Variants in GSG1L observed in about 807,000 individuals in gnomAD.
GSG1L encodes the protein germ cell-specific gene 1-like protein.
A neutral mutation model predicts 42.1 loss-of-function variants in GSG1L; 24 were observed. That is an observed-to-expected ratio of 0.57 (90% CI 0.41 to 0.80). The LOEUF is 0.80. GSG1L is among the 30% of genes least tolerant of loss of function. The probability of loss-of-function intolerance (pLI) is 0.00; values close to 1 mark genes in which losing one functional copy is unlikely to be tolerated. For synonymous variants in GSG1L, 215 were observed against 203.5 expected (o/e 1.06, Z -0.48); for missense variants, 445 against 472.2 (o/e 0.94, Z 0.53).
rs141642419 is a variant in GSG1L at position 27,961,028 on chromosome 16, G to GAC, written c.397+2126_397+2127dup. 1.7e-3 allele frequency among the ~76,000 whole-genome samples: 255 copies of GAC among 151,368 alleles called. 1 individual carries two copies. The highest frequency in any genetic ancestry group is 3.4e-3 in the Middle Eastern group (1 of 290). ...GGCCACCCACCTGCCACTGTACACA[G>GAC]ACACACACACACACACGTACTCAAA... is the stretch of plus-strand genomic sequence containing the variant. On this transcript the variant is annotated intron_variant, in intron 2 of 6. Coordinates refer to ENST00000447459, the MANE Select transcript of GSG1L (RefSeq NM_001109763.2).
At chr16:27,832,816 T>C (rs1405704631) in intron 4 of GSG1L, among the ~76,000 whole-genome samples, 2 of 152,248 alleles carry the variant, frequency 1.3e-5, no homozygotes, top group Admixed American at 1.3e-4. Flanking sequence ...GATTGTTTTG[T>C]TGTTGTTTAC....
At chr16:27,868,125 G>A (rs2083755665) in intron 3 of GSG1L, among the ~76,000 whole-genome samples, 1 of 152,236 alleles carries the variant, frequency 6.6e-6, no homozygotes, top group Non-Finnish European at 1.5e-5. Context: ...TTGTATGAAA[G>A]GCCTGATGGC....
chr16:28,042,270 T>C (rs995421217), intron 1 of GSG1L, among the ~76,000 whole-genome samples: 6 of 152,042 alleles, frequency 3.9e-5, no homozygotes, highest in African/African-American at 1.2e-4. Context: ...ACCCTGTCTC[T>C]ACTAAAAGTA....
intron 3 of GSG1L, among the ~76,000 whole-genome samples, chr16:27,857,684 G>A (rs890951376): frequency 1.3e-5 from 2 of 152,110 alleles, no homozygotes; most frequent in Admixed American, 6.6e-5. Context: ...GGGAGACACT[G>A]GGCGGACTCC....
At chr16:27,869,845 CTCCATCTCTCTCTG>C (rs1308185092) in intron 3 of GSG1L, among the ~76,000 whole-genome samples, 132 of 144,786 alleles carry the variant, frequency 9.1e-4, no homozygotes, top group Non-Finnish European at 1.6e-3. Context: ...CCATCTCTCT[CTCCATCTCTCTCTG>C]TCTCTGTCTC....
intron 2 of GSG1L, among the ~76,000 whole-genome samples, chr16:27,915,609 A>G (rs1339669989): frequency 6.6e-6 from 1 of 152,170 alleles, no homozygotes; most frequent in Non-Finnish European, 1.5e-5. Context: ...AATGAAACCA[A>G]TGAGTCTGCT....
At chr16:27,874,441 C>CTTTTTTTTTTTTTTTTTTTTTTTTTT (rs71140916) in intron 3 of GSG1L, among the ~76,000 whole-genome samples, 2 of 94,428 alleles carry the variant, frequency 2.1e-5, no homozygotes, top group Admixed American at 1.4e-4. Context: ...ACAGGAGAGC[C>CTTTTTTTTTTTTTTTTTTTTTTTTTT]TTTTTTTTTT....
Position 27,832,569 on chromosome 16 carries a change from A to G in GSG1L, c.663-3613T>C, listed in dbSNP as rs28833037. Among the ~76,000 whole-genome samples the G allele has an allele frequency of 8.3e-3, 1,269 of 152,340 alleles. 23 individuals carry two copies. The highest frequency in any genetic ancestry group is 0.029 in the African/African-American group (1,194 of 41,570). On this transcript the variant is annotated intron_variant, in intron 4 of 6. Coordinates refer to ENST00000447459, the MANE Select transcript of GSG1L (RefSeq NM_001109763.2). ...AGTAGTTTGTTCCTTTATATTGCTA[A>G]GTACAGTATTCCTGCCAGCAATGTA... is the stretch of plus-strand genomic sequence containing the variant.
intron 3 of GSG1L, chr16:27,850,605 A>G (rs1469080895): frequency 2.2e-6 from 1 of 455,710 alleles, no homozygotes; most frequent in Non-Finnish European, 4.4e-6. Flanking sequence ...CTGAGGGAAA[A>G]CCAGCGTGGA....
chr16:27,947,433 G>GAAAGAAAGAAAGA (rs1456794884), intron 2 of GSG1L, among the ~76,000 whole-genome samples: 7 of 84,366 alleles, frequency 8.3e-5, no homozygotes, highest in Non-Finnish European at 1.1e-4. Flanking sequence ...AGAAAGAGAA[G>GAAAGAAAGAAAGA]GAAGGAAGGA....
intron 5 of GSG1L, among the ~76,000 whole-genome samples, chr16:27,807,924 T>C (rs2082986145): frequency 6.6e-6 from 1 of 152,232 alleles, no homozygotes; most frequent in Non-Finnish European, 1.5e-5. Context: ...GAATTATACA[T>C]TGAAAGGCAC....
At chr16:27,853,703 TG>T (rs1482750712) in intron 3 of GSG1L, among the ~76,000 whole-genome samples, 2 of 152,184 alleles carry the variant, frequency 1.3e-5, no homozygotes, top group Non-Finnish European at 2.9e-5. Context: ...TGGCACTTCA[TG>T]GAGACCTTCC....
intron 2 of GSG1L, among the ~76,000 whole-genome samples, chr16:27,936,116 G>A (rs1222213112): frequency 6.6e-6 from 1 of 151,644 alleles, no homozygotes; most frequent in Non-Finnish European, 1.5e-5. Context: ...CCATGCCCAG[G>A]TCAATCACAG....
At position 27,884,544 on chromosome 16, in the gene GSG1L, G is replaced by C. The variant is rs765646833; in HGVS notation, c.492C>G (p.Ser164Arg). 2.5e-6 allele frequency: 4 copies of C among 1,613,948 alleles called. No homozygotes were observed. Residue 164 changes from serine (S) to arginine (R), a missense_variant, in exon 3 of 7, where the codon AGC (serine) becomes AGG (arginine). Coordinates refer to ENST00000447459, the MANE Select transcript of GSG1L (RefSeq NM_001109763.2). The surrounding 1 kb of genome is among the most constrained non-coding windows in gnomAD (Gnocchi z 4.4). Reference protein sequence around the residue: ...SLMCLELFHSSNVIDGLKLNA... With the variant: ...SLMCLELFHSRNVIDGLKLNA... The stretch of plus-strand genomic sequence containing the variant: ...TGAGCTTGAGCCCGTCGATGACATT[G>C]CTGGAGTGGAAGAGCTCGAGACACA...
At chr16:27,911,435 C>A (rs550674215) in intron 2 of GSG1L, among the ~76,000 whole-genome samples, 1 of 152,114 alleles carries the variant, frequency 6.6e-6, no homozygotes, top group Non-Finnish European at 1.5e-5. Flanking sequence ...GGATTACAGG[C>A]GCCCGCCACC....
At chr16:27,802,007 C>T (rs1360246442) in intron 6 of GSG1L, among the ~76,000 whole-genome samples, 2 of 152,130 alleles carry the variant, frequency 1.3e-5, no homozygotes, top group African/African-American at 2.4e-5. Flanking sequence ...CATGATAGCC[C>T]TGGAGGTCCT....
intron 2 of GSG1L, among the ~76,000 whole-genome samples, chr16:27,940,644 A>G: frequency 2.5e-5 from 2 of 81,018 alleles, no homozygotes; most frequent in Non-Finnish European, 5.7e-5. Context: ...ATAGGTGGGA[A>G]TTGAACAACG....
chr16:27,898,091 C>T (rs1349030781), intron 2 of GSG1L, among the ~76,000 whole-genome samples: 1 of 152,208 alleles, frequency 6.6e-6, no homozygotes, highest in African/African-American at 2.4e-5. Context: ...AGTTCAGAGA[C>T]GTCTCTGGCA....
chr16:27,966,815 C>A (rs1313915379), intron 1 of GSG1L, among the ~76,000 whole-genome samples: 1 of 152,220 alleles, frequency 6.6e-6, no homozygotes, highest in African/African-American at 2.4e-5. Context: ...TTGCTACCTA[C>A]AAATTCAGAT....
Sources: allele counts gnomAD v4.1 joint callset (sites outside exome capture counted in the v4.1 genomes callset), GRCh38; gene constraint gnomAD v4.1.1; non-coding constraint Gnocchi (gnomAD v3.1); transcripts MANE v1.5; gene names NCBI Gene and HGNC (gene_info 2026-07-23, HGNC 2026-07-21).